Variants in HIVEP2 observed in about 807,000 individuals in gnomAD.
HIVEP2 encodes transcription factor HIVEP2.
A neutral mutation model predicts 180.7 loss-of-function variants in HIVEP2; 14 were observed. The observed-to-expected ratio is 0.08, with a 90% CI of 0.05 to 0.12. The LOEUF is 0.12. Among genes scored for constraint, HIVEP2 ranks in the 10% least tolerant of loss-of-function variants. HIVEP2 has a pLI of 1.00. For synonymous variants in HIVEP2, 1,184 were observed against 1,136.4 expected, an observed-to-expected ratio of 1.04 and a Z score of -0.84; for missense variants, 2,579 against 3,008.5, an observed-to-expected ratio of 0.86 and a Z score of 3.34.
intron 1 of HIVEP2, among the ~76,000 whole-genome samples, chr6:142,942,297 GA>G (rs11298750): frequency 0.87 from 131,077 of 150,352 alleles, 57,406 homozygotes; most frequent in Middle Eastern, 0.94. Flanking sequence ...GCCCTGCTTT[GA>G]AAAAAAAAAA....
intron 2 of HIVEP2, among the ~76,000 whole-genome samples, chr6:142,804,427 C>G (rs1776494793): frequency 6.6e-6 from 1 of 151,966 alleles, no homozygotes; most frequent in African/African-American, 2.4e-5. Flanking sequence ...CTAGTCCTTT[C>G]AGAGGAAGGC....
chr6:142,913,984 T>C (rs530165026), intron 1 of HIVEP2, among the ~76,000 whole-genome samples: 73 of 152,028 alleles, frequency 4.8e-4, no homozygotes, highest in African/African-American at 1.6e-3. Context: ...AGCCCTGAAA[T>C]ATTATCAGGC....
At chr6:142,872,969 A>G (rs1776331113) in intron 1 of HIVEP2, among the ~76,000 whole-genome samples, 1 of 152,202 alleles carries the variant, frequency 6.6e-6, no homozygotes, top group Admixed American at 6.6e-5. Flanking sequence ...TTAATTATCC[A>G]AAGGATCTAA....
chr6:142,775,161 C>A, intron 4 of HIVEP2, 36 bp from the exon 5 acceptor site: 19 of 649,462 alleles, frequency 2.9e-5, no homozygotes, highest in Admixed American at 7.7e-5. Flanking sequence ...ATTGTCATAA[C>A]AGTTTCAAAT....
At chr6:142,928,904 A>C (rs929500253) in intron 1 of HIVEP2, among the ~76,000 whole-genome samples, 1 of 152,160 alleles carries the variant, frequency 6.6e-6, no homozygotes, top group Non-Finnish European at 1.5e-5. Flanking sequence ...GCCTGCAAAA[A>C]ATCTAATCAC....
intron 9 of HIVEP2, among the ~76,000 whole-genome samples, chr6:142,754,406 G>A (rs575224300): frequency 6.6e-6 from 1 of 152,046 alleles, no homozygotes; most frequent in Non-Finnish European, 1.5e-5. Context: ...GTGTTGATGA[G>A]TATATAATTG....
intron 2 of HIVEP2, among the ~76,000 whole-genome samples, chr6:142,826,521 G>A (rs2114847924): frequency 6.6e-6 from 1 of 152,250 alleles, no homozygotes; most frequent in East Asian, 1.9e-4. Flanking sequence ...TCTATCCCAG[G>A]TCTTCCCATA....
chr6:142,771,127 G>C lies in HIVEP2; in HGVS notation c.3612C>G (p.Ala1204=). Residue 1204 remains alanine, a synonymous_variant, in exon 5 of 10, where the codon GCC becomes GCG. Coordinates refer to ENST00000367603, the MANE Select transcript of HIVEP2 (RefSeq NM_006734.4). This position sits in a 1 kb window ranked among gnomAD's most constrained non-coding sequence, Gnocchi z 5.4. ...ETIPFSPIQN[A]LFQFQYPTVC... Reference sequence around the variant, plus strand: ...CTGTAGGATACTGAAACTGAAACAAGGCATTCTGGATTGGAGAAAATGGAA... The same window carrying C: ...CTGTAGGATACTGAAACTGAAACAACGCATTCTGGATTGGAGAAAATGGAA... The C allele has an allele frequency of 6.2e-7, 1 of 1,614,220 alleles. No homozygotes were observed. Among genetic ancestry groups the C allele is most frequent in the Non-Finnish European group, 8.5e-7 (1 of 1,180,038 alleles).
chr6:142,877,323 A>G (rs1776468460), intron 1 of HIVEP2, among the ~76,000 whole-genome samples: 2 of 152,294 alleles, frequency 1.3e-5, no homozygotes, highest in South Asian at 2.1e-4. Context: ...GGTGACTGCT[A>G]AGTAACTAAG....
chr6:142,821,149 C>G (rs1582889367), intron 2 of HIVEP2, among the ~76,000 whole-genome samples: 1 of 152,090 alleles, frequency 6.6e-6, no homozygotes, highest in South Asian at 2.1e-4. Context: ...TTTTTCCTTC[C>G]CCATATTGCC....
At chr6:142,794,936 A>C (rs373002443) in intron 2 of HIVEP2, among the ~76,000 whole-genome samples, 3 of 152,234 alleles carry the variant, frequency 2.0e-5, no homozygotes, top group African/African-American at 7.2e-5. Flanking sequence ...CAATGAATTA[A>C]AGAGCCTGAA....
intron 6 of HIVEP2, among the ~76,000 whole-genome samples, chr6:142,767,670 A>G (rs918099075): frequency 1.3e-5 from 2 of 152,260 alleles, no homozygotes; most frequent in African/African-American, 4.8e-5. Context: ...TGGATGAAAG[A>G]TACATTTCTA....
intron 1 of HIVEP2, among the ~76,000 whole-genome samples, chr6:142,857,263 TA>T (rs890899174): frequency 1.3e-4 from 19 of 151,484 alleles, no homozygotes; most frequent in South Asian, 2.1e-4. Flanking sequence ...TCTGTCAACT[TA>T]AAAAAAAATC....
intron 2 of HIVEP2, among the ~76,000 whole-genome samples, chr6:142,831,007 G>A (rs541103080): frequency 6.6e-6 from 1 of 152,212 alleles, no homozygotes; most frequent in Non-Finnish European, 1.5e-5. Context: ...ACACAAAGTA[G>A]GCAGGAGACC....
chr6:142,895,339 C>A (rs1284730972), intron 1 of HIVEP2, among the ~76,000 whole-genome samples: 1 of 151,598 alleles, frequency 6.6e-6, no homozygotes, highest in African/African-American at 2.4e-5. Flanking sequence ...TCTTTTCTTG[C>A]CTTCATCTTA....
Position 142,773,985 on chromosome 6 carries a change from C to T in HIVEP2, c.754G>A (p.Glu252Lys). 1 of 1,614,232 alleles carries T rather than the reference C, an allele frequency of 6.2e-7. No homozygotes were observed. Among genetic ancestry groups the T allele is most frequent in the South Asian group, 1.1e-5 (1 of 91,080 alleles). The change falls in exon 5 of 10, where the codon GAG (glutamate) becomes AAG (lysine). Residue 252 changes from glutamate to lysine, a missense_variant. Glu to Lys is a moderately conservative substitution (Grantham distance 56). Coordinates refer to ENST00000367603, the MANE Select transcript of HIVEP2 (RefSeq NM_006734.4). Reference sequence around the variant, plus strand: ...AGGTCCAATTTAGATACAGCTGACTCTGTGAAAGGTACTAATCCTGCCTTA... The same window carrying T: ...AGGTCCAATTTAGATACAGCTGACTTTGTGAAAGGTACTAATCCTGCCTTA... Reference protein sequence around the residue: ...AIKAGLVPFTESAVSKLDLEA... With the variant: ...AIKAGLVPFTKSAVSKLDLEA...
chr6:142,899,880 C>T (rs774657939), intron 1 of HIVEP2, among the ~76,000 whole-genome samples: 2 of 152,080 alleles, frequency 1.3e-5, no homozygotes, highest in Non-Finnish European at 2.9e-5. Context: ...TTCCTGGATC[C>T]CTAGTCTCTG....
chr6:142,825,286 T>TTA (rs1427178404), intron 2 of HIVEP2, among the ~76,000 whole-genome samples: 1 of 90,182 alleles, frequency 1.1e-5, no homozygotes, highest in Non-Finnish European at 2.2e-5. Flanking sequence ...TAAAGTCCAA[T>TTA]TACACACACA....
chr6:142,938,056 A>G (rs1351474879), intron 1 of HIVEP2, among the ~76,000 whole-genome samples: 2 of 152,216 alleles, frequency 1.3e-5, no homozygotes, highest in African/African-American at 4.8e-5. Flanking sequence ...ACAAAGTAGA[A>G]TTTATAAACT....
Sources: allele counts gnomAD v4.1 joint callset (sites outside exome capture counted in the v4.1 genomes callset), GRCh38; gene constraint gnomAD v4.1.1; non-coding constraint Gnocchi (gnomAD v3.1); transcripts MANE v1.5; gene names NCBI Gene and HGNC (gene_info 2026-07-23, HGNC 2026-07-21).